The following SRBD1 variants were observed in gnomAD, a reference collection of about 807,000 sequenced individuals.
SRBD1 encodes the protein S1 RNA binding domain 1.
Under a neutral mutation model 115.3 loss-of-function variants are expected in SRBD1, and 88 were observed. That is an observed-to-expected ratio of 0.76 (90% CI 0.64 to 0.91). The LOEUF (loss-of-function observed/expected upper bound fraction) is 0.91, where lower values mean the gene tolerates loss of function less well. Ranked by LOEUF, SRBD1 falls within the 40% of genes least tolerant of loss-of-function variation. The pLI is 0.00. For synonymous variants in SRBD1, 509 were observed against 407.7 expected, an observed-to-expected ratio of 1.25 and a Z score of -2.99; for missense variants, 1,385 against 1,177.4, an observed-to-expected ratio of 1.18 and a Z score of -2.58.
chr2:45,445,550 T>TAA (rs59451865), intron 16 of SRBD1, among the ~76,000 whole-genome samples: 459 of 37,002 alleles, frequency 0.012, 41 homozygotes, highest in African/African-American at 0.031. Flanking sequence ...TTCCCAGAGG[T>TAA]AAAAAAAAAA....
rs542819844 is a variant in SRBD1, at chr2:45,488,399, T to C, written c.1875-68A>G. 7.5e-5 allele frequency: 106 copies of C among 1,405,348 alleles called. No individual in the cohort carries two copies. In the East Asian group the frequency reaches 1.1e-3, roughly 15 times the overall value. 87.1% of individuals were successfully genotyped at this position (1,405,348 alleles called of 1,614,324 possible). A position where few individuals can be genotyped will look rare whatever the true frequency, so the allele number is the denominator to read the frequency against. ...TGCCTGGTCAAAGAAAATAAATGAATGAAACCAGGCATTACCAGAAAAAAA... is the reference window on the plus strand; with the variant it reads ...TGCCTGGTCAAAGAAAATAAATGAACGAAACCAGGCATTACCAGAAAAAAA... On this transcript the variant is annotated intron_variant, in intron 14 of 20. Coordinates refer to ENST00000263736, the MANE Select transcript of SRBD1 (RefSeq NM_018079.5).
At chr2:45,472,959 T>G (rs890681484) in intron 16 of SRBD1, among the ~76,000 whole-genome samples, 1 of 151,846 alleles carries the variant, frequency 6.6e-6, no homozygotes, top group African/African-American at 2.4e-5. Flanking sequence ...CAAGGTTGTT[T>G]TTTTTTTCTT....
chr2:45,594,915 G>A (rs966539018), intron 4 of SRBD1, among the ~76,000 whole-genome samples: 1 of 152,110 alleles, frequency 6.6e-6, no homozygotes, highest in Non-Finnish European at 1.5e-5. Context: ...TATACAAAAA[G>A]ACTGAAGTAA....
chr2:45,405,496 A>G (rs1009495872), intron 19 of SRBD1, among the ~76,000 whole-genome samples: 1 of 152,198 alleles, frequency 6.6e-6, no homozygotes, highest in African/African-American at 2.4e-5. Flanking sequence ...AGGTTGGGCT[A>G]GAGCTTAGAA....
At chr2:45,558,828 G>T (rs1237637415) in intron 10 of SRBD1, among the ~76,000 whole-genome samples, 2 of 151,606 alleles carry the variant, frequency 1.3e-5, no homozygotes, top group Non-Finnish European at 2.9e-5. Flanking sequence ...AGTAGCTGGG[G>T]TTACACGCAT....
chr2:45,420,330 C>T (rs73925654), intron 16 of SRBD1, among the ~76,000 whole-genome samples: 1,732 of 152,108 alleles, frequency 0.011, 29 homozygotes, highest in African/African-American at 0.033. Flanking sequence ...CATTCATGCA[C>T]GGCCTTATAG....
At chr2:45,587,161 A>AAAT (rs1412645202) in intron 4 of SRBD1, among the ~76,000 whole-genome samples, 1 of 144,676 alleles carries the variant, frequency 6.9e-6, no homozygotes, top group Non-Finnish European at 1.5e-5. Context: ...AATTATTTTA[A>AAAT]ATTATAAATA....
chr2:45,480,426 T>C (rs902150628), intron 15 of SRBD1, among the ~76,000 whole-genome samples: 2 of 152,162 alleles, frequency 1.3e-5, no homozygotes, highest in African/African-American at 4.8e-5. Flanking sequence ...TGGAGGACAG[T>C]GATTTCAACT....
intron 10 of SRBD1, 61 bp downstream of exon 10, chr2:45,562,592 A>G: frequency 7.7e-7 from 1 of 1,297,844 alleles, no homozygotes; most frequent in South Asian, 1.4e-5. Flanking sequence ...GTACATATAG[A>G]TATCGGTATC....
chr2:45,546,488 G>A (rs941026180), intron 14 of SRBD1: 2 of 429,142 alleles, frequency 4.7e-6, no homozygotes, highest in Admixed American at 6.4e-5. Context: ...CAATGAAACT[G>A]AGCCCTAACG....
chr2:45,602,781 G>A (rs1674140295), intron 2 of SRBD1, among the ~76,000 whole-genome samples: 2 of 152,190 alleles, frequency 1.3e-5, no homozygotes, highest in African/African-American at 4.8e-5. Context: ...CTACTCTAAT[G>A]TAAAAGGTCA....
intron 16 of SRBD1, among the ~76,000 whole-genome samples, chr2:45,461,917 A>T (rs770766492): frequency 1.1e-4 from 16 of 152,216 alleles, no homozygotes; most frequent in Admixed American, 2.0e-4. Context: ...TAATGCCCTA[A>T]CGTGTCGATC....
At chr2:45,404,753 A>G (rs1023042908) in intron 19 of SRBD1, among the ~76,000 whole-genome samples, 8 of 152,116 alleles carry the variant, frequency 5.3e-5, no homozygotes, top group African/African-American at 1.9e-4. Flanking sequence ...AAATCAGATC[A>G]TATCACTCTT....
intron 14 of SRBD1, among the ~76,000 whole-genome samples, chr2:45,532,535 T>C (rs1391924997): frequency 1.3e-5 from 2 of 151,802 alleles, no homozygotes; most frequent in Non-Finnish European, 2.9e-5. Flanking sequence ...GTTTTAAAAG[T>C]GCTTCTGAAC....
Position 45,562,674 on chromosome 2 carries a change from C to T in SRBD1, c.1388G>A (p.Cys463Tyr), listed in dbSNP as rs1168776012. 10 of 1,608,242 alleles carry T rather than the reference C, an allele frequency of 6.2e-6. No individual in the cohort carries two copies. The highest frequency in any genetic ancestry group is 1.3e-5 in the African/African-American group (1 of 74,498). ...NISDGVKDEF[C>Y]RWCIQNRWRP... ...AGACCTGTTTTGGATGCACCACCTA[C>T]AGAATTCATCCTTCACTCCATCAGA... Residue 463 changes from cysteine (C) to tyrosine (Y), a missense_variant, in exon 10 of 21, where the codon TGT becomes TAT. By Grantham distance (194) the Cys-to-Tyr change is radical. Transcript: ENST00000263736.
intron 19 of SRBD1, among the ~76,000 whole-genome samples, chr2:45,408,879 T>C (rs1264760023): frequency 6.6e-6 from 1 of 152,058 alleles, no homozygotes; most frequent in Admixed American, 6.6e-5. Context: ...ATTGAAAAAC[T>C]TCTAAACCAT....
intron 12 of SRBD1, among the ~76,000 whole-genome samples, 186 bp downstream of exon 12, chr2:45,550,939 G>A (rs1411211040): frequency 1.3e-5 from 2 of 152,140 alleles, no homozygotes; most frequent in African/African-American, 2.4e-5. Context: ...TGTATATTGA[G>A]GAGTTTGATC....
chr2:45,581,973 G>A (rs542588929), intron 5 of SRBD1, among the ~76,000 whole-genome samples, 163 bp from the exon 6 acceptor site: 8 of 152,324 alleles, frequency 5.3e-5, no homozygotes, highest in African/African-American at 1.9e-4. Flanking sequence ...ACACTTTAGT[G>A]TGATTTCCTA....
intron 16 of SRBD1, among the ~76,000 whole-genome samples, chr2:45,434,380 G>C (rs952117190): frequency 3.9e-5 from 6 of 152,058 alleles, no homozygotes; most frequent in African/African-American, 7.2e-5. Context: ...GTAACCCCTG[G>C]AATCTCCATT....
Sources: allele counts gnomAD v4.1 joint callset (sites outside exome capture counted in the v4.1 genomes callset), GRCh38; gene constraint gnomAD v4.1.1; transcripts MANE v1.5; gene names NCBI Gene and HGNC (gene_info 2026-07-23, HGNC 2026-07-21).